The following SPINK6 variants were observed in gnomAD, a reference collection of about 807,000 sequenced individuals.
The protein encoded by SPINK6 is serine protease inhibitor Kazal-type 6.
SPINK6 carries 13 observed loss-of-function variants against 11.7 expected under a neutral mutation model. The ratio of observed to expected loss-of-function variants is 1.11; its 90% CI spans 0.72 to 1.76. The LOEUF (loss-of-function observed/expected upper bound fraction) is 1.76, where lower values mean the gene tolerates loss of function less well. Among genes scored for constraint, SPINK6 ranks in the 40% most tolerant of loss-of-function variants. The pLI is 0.00. For missense variants in SPINK6, 98 were observed against 93.7 expected (o/e 1.05, Z -0.19); for synonymous variants, 21 against 31.9 (o/e 0.66, Z 1.15).
rs1554112271 is a variant in SPINK6, at chr5:148,210,007, C to CATACACACGAACGTATGT, written c.82-3901_82-3900insACACACGAACGTATGTAT. The stretch of plus-strand genomic sequence containing the variant: ...ATGTATACATATACACGTATGTATA[C>CATACACACGAACGTATGT]ATGTATGTACGCATGTACGCATGCA... On this transcript the variant is annotated intron_variant, in intron 2 of 3. Coordinates refer to ENST00000325630, the MANE Select transcript of SPINK6 (RefSeq NM_205841.4). Among the ~76,000 whole-genome samples the CATACACACGAACGTATGT allele has an allele frequency of 4.7e-5, 5 of 105,730 alleles. 2 individuals are homozygous for CATACACACGAACGTATGT. Among genetic ancestry groups the CATACACACGAACGTATGT allele is most frequent in the Admixed American group, 1.7e-4 (2 of 11,906 alleles). 69.4% of individuals were successfully genotyped at this position (105,730 alleles called of 152,430 possible). A position where few individuals can be genotyped will look rare whatever the true frequency, so the allele number is the denominator to read the frequency against.
intron 2 of SPINK6, 110 bp downstream of exon 2, chr5:148,206,168 C>T: frequency 1.8e-6 from 2 of 1,112,462 alleles, no homozygotes; most frequent in South Asian, 1.3e-5. Flanking sequence ...AATGAGCAGG[C>T]AAACCTTATG....
chr5:148,214,333 T>C (rs1015696959), intron 3 of SPINK6, among the ~76,000 whole-genome samples: 1 of 152,222 alleles, frequency 6.6e-6, no homozygotes, highest in Admixed American at 6.5e-5. Flanking sequence ...AATTTTGATA[T>C]GTTTTAATGT....
rs754404843 is a variant in SPINK6, at chr5:148,214,934, A to G, written c.227A>G (p.His76Arg). The G allele has an allele frequency of 6.2e-7, 1 of 1,613,804 alleles. No individual in the cohort carries two copies. The highest frequency in any genetic ancestry group is 1.7e-5 in the Admixed American group (1 of 60,018). ...VKSGGKISLKHPGKC is the reference protein window; with the variant it reads ...VKSGGKISLKRPGKC The stretch of plus-strand genomic sequence containing the variant: ...AGTGGTGGAAAGATTAGCCTAAAGC[A>G]TCCTGGAAAATGCTGAGTTAAAGCC... The change falls in exon 4 of 4, where the codon CAT becomes CGT. Residue 76 changes from histidine (H) to arginine (R), a missense_variant. By Grantham distance (29) the His-to-Arg change is conservative. Transcript: ENST00000325630.
chr5:148,212,480 T>A (rs7725752), intron 2 of SPINK6, among the ~76,000 whole-genome samples: 2,229 of 96,982 alleles, frequency 0.023, 81 homozygotes, highest in African/African-American at 0.071. Context: ...TACATATTTT[T>A]TATATATATA....
intron 2 of SPINK6, among the ~76,000 whole-genome samples, chr5:148,208,419 A>AG (rs1755527608): frequency 6.6e-6 from 1 of 152,224 alleles, no homozygotes; most frequent in Admixed American, 6.5e-5. Flanking sequence ...TGCTTGCTCA[A>AG]GTCTGATCCA....
chr5:148,206,075 A>C lies in SPINK6; in HGVS notation c.81+17A>C. On this transcript the variant is annotated intron_variant, in intron 2 of 3. Coordinates refer to ENST00000325630, the MANE Select transcript of SPINK6 (RefSeq NM_205841.4). ...GGAGGACAGGTCAGTGCCTATTTTT[A>C]TCTCTGCTTTCTGCCTGGGTGGTGC... 3 of 1,613,956 alleles carry C rather than the reference A, an allele frequency of 1.9e-6. No homozygotes were observed. Among genetic ancestry groups the C allele is most frequent in the Non-Finnish European group, 2.5e-6 (3 of 1,179,910 alleles).
In SPINK6 at chr5:148,209,997, C is replaced by CACGTATGTAT. The variant is rs1561732192; in HGVS notation, c.82-3913_82-3912insACGTATGTAT. ...GTACGTATGTATGTATACATATACA[C>CACGTATGTAT]GTATGTATACATGTATGTACGCATG... On this transcript the variant is annotated intron_variant, in intron 2 of 3. Transcript: ENST00000325630. 2.1e-5 allele frequency among the ~76,000 whole-genome samples: 3 copies of CACGTATGTAT among 145,892 alleles called. 1 individual carries two copies. Among genetic ancestry groups the CACGTATGTAT allele is most frequent in the Non-Finnish European group, 3.1e-5 (2 of 65,514 alleles).
intron 2 of SPINK6, among the ~76,000 whole-genome samples, chr5:148,208,326 G>A (rs1027896431): frequency 1.3e-5 from 2 of 152,130 alleles, no homozygotes; most frequent in Admixed American, 1.3e-4. Context: ...TGGTACTGAG[G>A]CTGCCATTTC....
rs560456837 is a variant in SPINK6, at chr5:148,214,133, G to T, written c.197+108G>T. 1.1e-5 allele frequency: 6 copies of T among 544,304 alleles called. No homozygotes were observed. In the Admixed American group the frequency reaches 2.2e-4, roughly 20 times the overall value. 33.7% of individuals were successfully genotyped at this position (544,304 alleles called of 1,614,324 possible). A position where few individuals can be genotyped will look rare whatever the true frequency, so the allele number is the denominator to read the frequency against. ...GAAAACACCCATACCTCCCCATAGA[G>T]ACTGAAGAAACAAGCTTCAGGCAAT... On this transcript the variant is annotated intron_variant, in intron 3 of 3. Coordinates refer to ENST00000325630, the MANE Select transcript of SPINK6 (RefSeq NM_205841.4).
chr5:148,210,034 A>ACG (rs1755561000), intron 2 of SPINK6, among the ~76,000 whole-genome samples: 1 of 139,876 alleles, frequency 7.1e-6, no homozygotes, highest in Admixed American at 7.1e-5. Flanking sequence ...ACGCATGCAC[A>ACG]AACGTATGTA....
chr5:148,209,424 G>A (rs1755539975), intron 2 of SPINK6, among the ~76,000 whole-genome samples: 1 of 152,060 alleles, frequency 6.6e-6, no homozygotes, highest in African/African-American at 2.4e-5. Flanking sequence ...AATTTCTTAA[G>A]CAAATATAAG....
chr5:148,203,013 T>C (rs1263882579), upstream of SPINK6: 2 of 1,116,922 alleles, frequency 1.8e-6, no homozygotes, highest in Non-Finnish European at 1.3e-6. Context: ...GGTCTGAATG[T>C]ATTTTAGGGC....
rs1755558476 is a variant in SPINK6 at position 148,210,007 on chromosome 5, C to CATGCACACGTACGTATGT, written c.82-3900_82-3899insCACACGTACGTATGTATG. ...ATGTATACATATACACGTATGTATA[C>CATGCACACGTACGTATGT]ATGTATGTACGCATGTACGCATGCA... On this transcript the variant is annotated intron_variant, in intron 2 of 3. Transcript: ENST00000325630. Among the ~76,000 whole-genome samples, 4 of 105,732 alleles carry CATGCACACGTACGTATGT rather than the reference C, an allele frequency of 3.8e-5. 1 individual carries two copies. The highest frequency in any genetic ancestry group is 7.3e-5 in the Non-Finnish European group (4 of 54,610). The allele number at this position is 105,732 out of a possible 152,430, so 69.4% of individuals were successfully genotyped here. A position where few individuals can be genotyped will look rare whatever the true frequency, so the allele number is the denominator to read the frequency against.
intron 2 of SPINK6, among the ~76,000 whole-genome samples, chr5:148,208,418 A>C (rs1755527580): frequency 6.6e-6 from 1 of 152,228 alleles, no homozygotes; most frequent in Non-Finnish European, 1.5e-5. Flanking sequence ...ATGCTTGCTC[A>C]AGTCTGATCC....
chr5:148,210,007 C>CATACACACGTACGTATGA lies in SPINK6; in HGVS notation c.82-3901_82-3900insACACACGTACGTATGAAT, dbSNP rs1554112271. On this transcript the variant is annotated intron_variant, in intron 2 of 3. Coordinates refer to ENST00000325630, the MANE Select transcript of SPINK6 (RefSeq NM_205841.4). ...ATGTATACATATACACGTATGTATA[C>CATACACACGTACGTATGA]ATGTATGTACGCATGTACGCATGCA... 1.9e-5 allele frequency among the ~76,000 whole-genome samples: 2 copies of CATACACACGTACGTATGA among 105,730 alleles called. 1 individual carries two copies. The highest frequency in any genetic ancestry group is 3.7e-5 in the Non-Finnish European group (2 of 54,620). 69.4% of individuals were successfully genotyped at this position (105,730 alleles called of 152,430 possible). A position where few individuals can be genotyped will look rare whatever the true frequency, so the allele number is the denominator to read the frequency against.
Position 148,209,968 on chromosome 5 carries a change from A to ACACG in SPINK6, c.81+3910_81+3911insCACG, listed in dbSNP as rs1376051662. Among the ~76,000 whole-genome samples, 884 of 150,290 alleles carry ACACG rather than the reference A, an allele frequency of 5.9e-3. 90 individuals carry two copies. Among genetic ancestry groups the ACACG allele is most frequent in the Admixed American group, 1.0e-2 (152 of 15,204 alleles). On this transcript the variant is annotated intron_variant, in intron 2 of 3. Transcript: ENST00000325630. Reference sequence around the variant, plus strand: ...AGGTTTCATATATATGTATACATACATACGTACGTATGTATGTATACATAT... The same window carrying ACACG: ...AGGTTTCATATATATGTATACATACACACGTACGTACGTATGTATGTATACATAT...
In SPINK6 at chr5:148,209,961, T is replaced by G. The variant is rs1755549430; in HGVS notation, c.81+3903T>G. Among the ~76,000 whole-genome samples, 3 of 151,694 alleles carry G rather than the reference T, an allele frequency of 2.0e-5. 1 individual carries two copies. Among genetic ancestry groups the G allele is most frequent in the South Asian group, 2.1e-4 (1 of 4,828 alleles). On this transcript the variant is annotated intron_variant, in intron 2 of 3. Coordinates refer to ENST00000325630, the MANE Select transcript of SPINK6 (RefSeq NM_205841.4). ...GAGTAAAAGGTTTCATATATATGTA[T>G]ACATACATACGTACGTATGTATGTA... is the stretch of plus-strand genomic sequence containing the variant.
At chr5:148,209,051 TTAAGA>T (rs922636532) in intron 2 of SPINK6, among the ~76,000 whole-genome samples, 1 of 152,192 alleles carries the variant, frequency 6.6e-6, no homozygotes, top group Non-Finnish European at 1.5e-5. Flanking sequence ...TGCTTGTATT[TTAAGA>T]TAAGAATTGG....
chr5:148,205,430 CTA>C (rs1187582620), intron 1 of SPINK6, among the ~76,000 whole-genome samples: 4 of 152,122 alleles, frequency 2.6e-5, no homozygotes, highest in African/African-American at 7.2e-5. Context: ...AGAAACAAGA[CTA>C]TATATATGGG....
Sources: gnomAD v4.1 joint callset for allele counts (sites outside exome capture counted in the v4.1 genomes callset) on GRCh38, gnomAD v4.1.1 for gene constraint, MANE v1.5 for transcripts, NCBI Gene and HGNC (gene_info 2026-07-23, HGNC 2026-07-21) for gene names.